The following GRM1 variants were observed in gnomAD, a reference collection of about 807,000 sequenced individuals.
The protein encoded by GRM1 is metabotropic glutamate receptor 1.
GRM1 carries 33 observed loss-of-function variants against 90.9 expected under a neutral mutation model. That is an observed-to-expected ratio of 0.36 (90% CI 0.28 to 0.49). The LOEUF (loss-of-function observed/expected upper bound fraction) is 0.49, where lower values mean the gene tolerates loss of function less well. Among genes scored for constraint, GRM1 ranks in the 20% least tolerant of loss-of-function variants. The pLI is 0.99. For synonymous variants in GRM1, 700 were observed against 613.2 expected, an observed-to-expected ratio of 1.14 and a Z score of -2.09; for missense variants, 1,190 against 1,534.3, an observed-to-expected ratio of 0.78 and a Z score of 3.75.
intron 1 of GRM1, among the ~76,000 whole-genome samples, chr6:146,158,371 G>A (rs1469691358): frequency 6.6e-6 from 1 of 152,186 alleles, no homozygotes; most frequent in Non-Finnish European, 1.5e-5. Flanking sequence ...AGTAGAGGTA[G>A]TAGAATATAT....
chr6:146,366,710 A>G (rs1341439429), intron 5 of GRM1, among the ~76,000 whole-genome samples: 2 of 152,084 alleles, frequency 1.3e-5, no homozygotes, highest in African/African-American at 2.4e-5. Context: ...CTTTTGAGAT[A>G]TGTCTAGGTT....
chr6:146,068,678 G>A (rs955020287), intron 1 of GRM1, among the ~76,000 whole-genome samples: 11 of 152,188 alleles, frequency 7.2e-5, no homozygotes, highest in African/African-American at 2.4e-4. Flanking sequence ...AGCCCATCCA[G>A]TTGAGAGTAA....
At chr6:146,032,809 C>A (rs1177960636) in intron 1 of GRM1, among the ~76,000 whole-genome samples, 4 of 152,156 alleles carry the variant, frequency 2.6e-5, no homozygotes, top group Non-Finnish European at 1.5e-5. Context: ...ATAGTTAATA[C>A]CAAAAGCACT....
At chr6:146,393,817 A>C (rs1273158473) in intron 6 of GRM1, among the ~76,000 whole-genome samples, 4 of 152,118 alleles carry the variant, frequency 2.6e-5, no homozygotes, top group Non-Finnish European at 4.4e-5. Flanking sequence ...AGACAATCCC[A>C]AGCAAAAGGA....
At chr6:146,382,814 A>T (rs574543135) in intron 5 of GRM1, among the ~76,000 whole-genome samples, 1 of 152,184 alleles carries the variant, frequency 6.6e-6, no homozygotes, top group Non-Finnish European at 1.5e-5. Flanking sequence ...TGTTATTGGT[A>T]TATTTCTGTG....
chr6:146,154,708 C>G (rs908841863), intron 1 of GRM1, among the ~76,000 whole-genome samples: 1 of 152,128 alleles, frequency 6.6e-6, no homozygotes, highest in African/African-American at 2.4e-5. Context: ...TTTCTGAATA[C>G]TGTCATATTT....
At chr6:146,345,369 AT>A (rs1417061542) in intron 3 of GRM1, among the ~76,000 whole-genome samples, 1 of 152,188 alleles carries the variant, frequency 6.6e-6, no homozygotes, top group Non-Finnish European at 1.5e-5. Context: ...ATAAAAGTGG[AT>A]TTACAATGTT....
intron 3 of GRM1, among the ~76,000 whole-genome samples, chr6:146,336,987 T>A (rs1194579344): frequency 1.3e-5 from 2 of 152,202 alleles, no homozygotes; most frequent in African/African-American, 4.8e-5. Flanking sequence ...GTTTCCAAGG[T>A]CCCAACCTGG....
intron 2 of GRM1, among the ~76,000 whole-genome samples, chr6:146,211,394 A>G (rs144175579): frequency 0.016 from 2,421 of 152,168 alleles, 34 homozygotes; most frequent in Non-Finnish European, 0.026. Context: ...CTTAACCACC[A>G]TTATAGGAGA....
At chr6:146,081,323 A>T (rs1776357643) in intron 1 of GRM1, among the ~76,000 whole-genome samples, 1 of 152,216 alleles carries the variant, frequency 6.6e-6, no homozygotes, top group Non-Finnish European at 1.5e-5. Flanking sequence ...GAGGCCAAAA[A>T]ATAAAATAAA....
chr6:146,043,137 A>C (rs1016642299), intron 1 of GRM1, among the ~76,000 whole-genome samples: 1 of 151,948 alleles, frequency 6.6e-6, no homozygotes, highest in African/African-American at 2.4e-5. Flanking sequence ...CTAAAAAAAA[A>C]ATTAAAAAAT....
intron 1 of GRM1, among the ~76,000 whole-genome samples, chr6:146,046,540 C>T (rs1447800186): frequency 2.6e-5 from 4 of 151,922 alleles, no homozygotes; most frequent in South Asian, 2.1e-4. Flanking sequence ...TCCACCCTTA[C>T]TCTTTGTAGG....
chr6:146,430,613 C>CA, intron 7 of GRM1, among the ~76,000 whole-genome samples: 1 of 152,310 alleles, frequency 6.6e-6, no homozygotes, highest in Middle Eastern at 3.4e-3. Context: ...AAATAAATGT[C>CA]ATATTGCAGG....
chr6:146,390,894 AG>A (rs1362806637), intron 6 of GRM1, among the ~76,000 whole-genome samples: 1 of 152,080 alleles, frequency 6.6e-6, no homozygotes, highest in African/African-American at 2.4e-5. Context: ...TTCCCTGGGA[AG>A]AAAAAAGCCT....
chr6:146,190,764 C>T (rs62434322), intron 2 of GRM1, among the ~76,000 whole-genome samples: 14,820 of 152,180 alleles, frequency 0.097, 935 homozygotes, highest in Admixed American at 0.14. Context: ...TTCATCATTT[C>T]TCATTTGGAT....
At chr6:146,041,002 T>G (rs1416330142) in intron 1 of GRM1, among the ~76,000 whole-genome samples, 1 of 152,018 alleles carries the variant, frequency 6.6e-6, no homozygotes, top group Non-Finnish European at 1.5e-5. Context: ...CATAAATTCT[T>G]TCCTCTGCTT....
intron 1 of GRM1, among the ~76,000 whole-genome samples, chr6:146,086,217 G>C (rs996999090): frequency 6.6e-6 from 1 of 152,080 alleles, no homozygotes; most frequent in Non-Finnish European, 1.5e-5. Flanking sequence ...GGCTAAATTA[G>C]TTATTTGACT....
In GRM1 at chr6:146,270,279, G is replaced by T. The variant is rs1232771108; in HGVS notation, c.951-34332G>T. Among the ~76,000 whole-genome samples, 6 of 152,090 alleles carry T rather than the reference G, an allele frequency of 3.9e-5. No homozygotes were observed. In the East Asian group the frequency reaches 1.2e-3, roughly 29 times the overall value. ...TTTTTTCTTTTATTTTTCAAAAAGA[G>T]ATGATCAGCATTCAGAATATTTTGA... On this transcript the variant is annotated intron_variant, in intron 2 of 7. Transcript: ENST00000282753.
At chr6:146,161,456 A>G (rs1171946276) in intron 2 of GRM1, among the ~76,000 whole-genome samples, 1 of 152,162 alleles carries the variant, frequency 6.6e-6, no homozygotes, top group South Asian at 2.1e-4. Flanking sequence ...TTGAACTCAT[A>G]CAAGTATTTC....
Sources: gnomAD v4.1 joint callset for allele counts (sites outside exome capture counted in the v4.1 genomes callset) on GRCh38, gnomAD v4.1.1 for gene constraint, MANE v1.5 for transcripts, NCBI Gene and HGNC (gene_info 2026-07-23, HGNC 2026-07-21) for gene names.